TATDN1: variants seen among roughly 807,000 people sequenced by gnomAD.
The protein encoded by TATDN1 is deoxyribonuclease TATDN1.
TATDN1 carries 40 observed loss-of-function variants against 46.4 expected under a neutral mutation model. The observed-to-expected ratio is 0.86, with a 90% CI of 0.67 to 1.12. TATDN1 has a LOEUF of 1.12. TATDN1 is among the 50% of genes most tolerant of loss of function. The pLI is 0.00. For missense variants in TATDN1, 326 were observed against 348.4 expected (o/e 0.94, Z 0.51); for synonymous variants, 95 against 105.6 (o/e 0.90, Z 0.62).
intron 11 of TATDN1, chr8:124,489,124 G>A (rs1339413274): frequency 6.1e-6 from 1 of 163,148 alleles, no homozygotes; most frequent in Non-Finnish European, 1.3e-5. Flanking sequence ...ATGTATGTGT[G>A]TCCTAAGTCA....
chr8:124,515,810 T>G (rs988130326), intron 5 of TATDN1, 22 bp from the exon 6 acceptor site: 5 of 1,613,504 alleles, frequency 3.1e-6, no homozygotes, highest in Admixed American at 3.3e-5. Flanking sequence ...TAAAGAAGAA[T>G]AATTACTCCT....
intron 4 of TATDN1, 58 bp downstream of exon 4, chr8:124,518,760 A>C (rs1228009580): frequency 7.8e-7 from 1 of 1,289,208 alleles, no homozygotes; most frequent in African/African-American, 1.5e-5. Context: ...GTTTTCAGAA[A>C]GACTTCTTCA....
intron 6 of TATDN1, among the ~76,000 whole-genome samples, chr8:124,510,340 AT>A (rs1209063573): frequency 2.6e-5 from 4 of 152,152 alleles, no homozygotes; most frequent in African/African-American, 9.7e-5. Context: ...TTACTAATAT[AT>A]TTGGCTCTGA....
intron 4 of TATDN1, among the ~76,000 whole-genome samples, chr8:124,517,035 C>CT (rs1157333456): frequency 1.3e-5 from 2 of 152,064 alleles, no homozygotes; most frequent in East Asian, 3.9e-4. Context: ...GGTGGGAGAA[C>CT]TTTAAAAAGC....
intron 1 of TATDN1, among the ~76,000 whole-genome samples, chr8:124,531,882 G>A (rs1056107559): frequency 6.6e-6 from 1 of 152,230 alleles, no homozygotes; most frequent in Non-Finnish European, 1.5e-5. Flanking sequence ...GTTAGATTAT[G>A]TATGAAGGTT....
intron 11 of TATDN1, 66 bp downstream of exon 11, chr8:124,493,767 T>C: frequency 6.6e-7 from 1 of 1,526,604 alleles, no homozygotes; most frequent in Non-Finnish European, 8.8e-7. Flanking sequence ...TCCCTTGCGT[T>C]AATTTTATAA....
At chr8:124,500,123 G>A (rs1017602129) in intron 9 of TATDN1, among the ~76,000 whole-genome samples, 8 of 152,026 alleles carry the variant, frequency 5.3e-5, no homozygotes, top group Non-Finnish European at 8.8e-5. Flanking sequence ...GATTACAGGC[G>A]TGAGCCACAA....
chr8:124,501,478 C>A (rs1817957768), intron 9 of TATDN1, among the ~76,000 whole-genome samples: 1 of 151,708 alleles, frequency 6.6e-6, no homozygotes. Context: ...TTTCCATCAT[C>A]ACAGAGACCA....
chr8:124,498,066 G>C (rs1406160469), intron 9 of TATDN1, among the ~76,000 whole-genome samples: 2 of 151,974 alleles, frequency 1.3e-5, no homozygotes, highest in African/African-American at 4.8e-5. Context: ...GGTCGCACTG[G>C]GGTTAGTTTT....
In TATDN1 at chr8:124,494,097, G is replaced by T. The variant is rs182876394; in HGVS notation, c.665-138C>A. ...GGCACAGTTATTTCAACAGAAAACA[G>T]TTCTAAGAAAAGCACAAGATAAAAT... On this transcript the variant is annotated intron_variant, in intron 10 of 11. Coordinates refer to ENST00000276692, the MANE Select transcript of TATDN1 (RefSeq NM_032026.4). 996 of 779,502 alleles carry T rather than the reference G, an allele frequency of 1.3e-3. 15 individuals carry two copies. The highest frequency in any genetic ancestry group is 9.4e-5 in the Non-Finnish European group (50 of 530,944). The allele number at this position is 779,502 out of a possible 1,614,324, so 48.3% of individuals were successfully genotyped here. A position where few individuals can be genotyped will look rare whatever the true frequency, so the allele number is the denominator to read the frequency against.
At chr8:124,497,020 G>A (rs889687592) in intron 9 of TATDN1, among the ~76,000 whole-genome samples, 2 of 152,092 alleles carry the variant, frequency 1.3e-5, no homozygotes, top group African/African-American at 4.8e-5. Flanking sequence ...AAATCTTCTA[G>A]TATTCAAATT....
At chr8:124,506,444 G>A (rs1818443280) in intron 8 of TATDN1, among the ~76,000 whole-genome samples, 1 of 151,842 alleles carries the variant, frequency 6.6e-6, no homozygotes, top group African/African-American at 2.4e-5. Flanking sequence ...AATCCCAACG[G>A]CATTAGTTAA....
intron 1 of TATDN1, among the ~76,000 whole-genome samples, chr8:124,531,968 G>A (rs1586680766): frequency 6.6e-6 from 1 of 152,192 alleles, no homozygotes; most frequent in Non-Finnish European, 1.5e-5. Flanking sequence ...GGGATTGCAA[G>A]CGCAATTTTG....
intron 1 of TATDN1, among the ~76,000 whole-genome samples, chr8:124,528,281 C>T (rs1473173808): frequency 6.6e-6 from 1 of 152,136 alleles, no homozygotes; most frequent in Non-Finnish European, 1.5e-5. Flanking sequence ...TCACGCCATT[C>T]CCCTGCCTCG....
intron 11 of TATDN1, among the ~76,000 whole-genome samples, chr8:124,492,033 G>GGTGT (rs928323707): frequency 2.7e-5 from 4 of 148,930 alleles, no homozygotes; most frequent in African/African-American, 9.9e-5. Flanking sequence ...AGAGTGCAAT[G>GGTGT]GTGTGGTCTC....
intron 9 of TATDN1, among the ~76,000 whole-genome samples, chr8:124,498,949 CTCTTT>C (rs1251737086): frequency 1.6e-4 from 24 of 147,488 alleles, no homozygotes; most frequent in African/African-American, 5.6e-4. Flanking sequence ...TGCGCCTGGC[CTCTTT>C]TTTTTTTTTT....
intron 11 of TATDN1, chr8:124,490,077 G>C (rs1174073511): frequency 6.6e-6 from 1 of 152,166 alleles, no homozygotes; most frequent in Non-Finnish European, 1.5e-5. Flanking sequence ...ATTTTTCTTA[G>C]GAAACTACTG....
At chr8:124,526,330 G>A (rs531887613) in intron 1 of TATDN1, among the ~76,000 whole-genome samples, 22 of 152,278 alleles carry the variant, frequency 1.4e-4, no homozygotes, top group South Asian at 1.2e-3. Context: ...GGTTATTTGA[G>A]GTTGACAATA....
At chr8:124,512,216 A>C (rs890894509) in intron 6 of TATDN1, among the ~76,000 whole-genome samples, 8 of 152,244 alleles carry the variant, frequency 5.3e-5, no homozygotes, top group African/African-American at 1.9e-4. Context: ...TGAGGTCTGG[A>C]GTTCGAAACC....
Sources: gnomAD v4.1 joint callset for allele counts (sites outside exome capture counted in the v4.1 genomes callset) on GRCh38, gnomAD v4.1.1 for gene constraint, MANE v1.5 for transcripts, NCBI Gene and HGNC (gene_info 2026-07-23, HGNC 2026-07-21) for gene names.